The following DIS3L2 variants were observed in gnomAD, a reference collection of about 807,000 sequenced individuals.
DIS3L2 encodes DIS3 like 3'-5' exoribonuclease 2.
DIS3L2 carries 34 observed loss-of-function variants against 97.5 expected under a neutral mutation model. The observed-to-expected ratio is 0.35, with a 90% CI of 0.27 to 0.46. The LOEUF is 0.46. DIS3L2 is among the 20% of genes least tolerant of loss of function. The pLI is 1.00. For synonymous variants in DIS3L2, 435 were observed against 445.2 expected (o/e 0.98, Z 0.29); for missense variants, 1,038 against 1,146.0 (o/e 0.91, Z 1.36).
intron 6 of DIS3L2, among the ~76,000 whole-genome samples, chr2:232,112,575 G>A (rs1348277149): frequency 6.6e-6 from 1 of 152,148 alleles, no homozygotes; most frequent in Non-Finnish European, 1.5e-5. Context: ...CTTAGACCAT[G>A]AGTAGACTCC....
intron 12 of DIS3L2, 115 bp downstream of exon 12, chr2:232,249,461 G>A: frequency 2.8e-6 from 3 of 1,088,592 alleles, no homozygotes; most frequent in Non-Finnish European, 4.0e-6. Context: ...GACAAGGGAG[G>A]TATGGAGTAG....
intron 6 of DIS3L2, among the ~76,000 whole-genome samples, chr2:232,116,960 CA>C (rs1697740648): frequency 6.6e-6 from 1 of 152,186 alleles, no homozygotes; most frequent in African/African-American, 2.4e-5. Context: ...GTCCCTTGAA[CA>C]AAAGTTCAGC....
At chr2:231,982,483 T>G (rs1693290051) in intron 1 of DIS3L2, among the ~76,000 whole-genome samples, 1 of 152,216 alleles carries the variant, frequency 6.6e-6, no homozygotes, top group Non-Finnish European at 1.5e-5. Context: ...TTTATGGTTT[T>G]GTGTTTTATG....
intron 14 of DIS3L2, among the ~76,000 whole-genome samples, chr2:232,309,994 C>T (rs1575009910): frequency 2.0e-5 from 3 of 152,190 alleles, no homozygotes; most frequent in African/African-American, 7.2e-5. Flanking sequence ...GGAAATATTT[C>T]CCAGCAGCTC....
chr2:232,167,590 G>C (rs1286322638), intron 9 of DIS3L2, among the ~76,000 whole-genome samples: 1 of 152,142 alleles, frequency 6.6e-6, no homozygotes, highest in Non-Finnish European at 1.5e-5. Flanking sequence ...TCATTTCTCA[G>C]TCCTATTCGC....
At chr2:232,068,165 T>C (rs931939443) in intron 5 of DIS3L2, among the ~76,000 whole-genome samples, 1 of 152,184 alleles carries the variant, frequency 6.6e-6, no homozygotes, top group African/African-American at 2.4e-5. Context: ...ATTTTTAGAG[T>C]TGGCTATACG....
intron 5 of DIS3L2, among the ~76,000 whole-genome samples, chr2:232,075,727 A>C (rs1355312937): frequency 6.6e-6 from 1 of 151,962 alleles, no homozygotes; most frequent in Non-Finnish European, 1.5e-5. Flanking sequence ...TGAGTTCAGG[A>C]CCTTGCAATT....
intron 10 of DIS3L2, 48 bp downstream of exon 10, chr2:232,210,453 G>T: frequency 6.5e-7 from 1 of 1,543,446 alleles, no homozygotes; most frequent in East Asian, 2.3e-5. Flanking sequence ...CAGTCTGCAT[G>T]CCTGTGTGGT....
At chr2:232,086,619 A>G (rs1177507913) in intron 5 of DIS3L2, among the ~76,000 whole-genome samples, 2 of 120,210 alleles carry the variant, frequency 1.7e-5, no homozygotes, top group South Asian at 2.5e-4. Context: ...GTGTGTATAT[A>G]TATATATATA....
chr2:232,297,521 C>T (rs1234325976), intron 13 of DIS3L2, among the ~76,000 whole-genome samples: 1 of 152,062 alleles, frequency 6.6e-6, no homozygotes, highest in Non-Finnish European at 1.5e-5. Flanking sequence ...CACAGGAAAC[C>T]CAGGAGGGCT....
intron 11 of DIS3L2, among the ~76,000 whole-genome samples, chr2:232,247,616 C>CGGTGGGGGGGGGGGGG (rs1559173558): frequency 1.5e-4 from 1 of 6,518 alleles, no homozygotes; most frequent in Non-Finnish European, 6.3e-4. Context: ...ATAACTGCCG[C>CGGTGGGGGGGGGGGGG]GGGGGGGGGG....
chr2:231,975,056 T>C (rs1693041403), intron 1 of DIS3L2, among the ~76,000 whole-genome samples: 1 of 152,190 alleles, frequency 6.6e-6, no homozygotes, highest in South Asian at 2.1e-4. Flanking sequence ...GTTGAACTGG[T>C]TTATCTACTG....
At chr2:232,249,407 C>A (rs1693359610) in intron 12 of DIS3L2, 61 bp downstream of exon 12, 1 of 1,532,630 alleles carries the variant, frequency 6.5e-7, no homozygotes, top group Non-Finnish European at 8.9e-7. Context: ...AGTCATGAAG[C>A]ACTCACCATG....
intron 1 of DIS3L2, among the ~76,000 whole-genome samples, chr2:231,999,351 A>G (rs1257086569): frequency 3.3e-5 from 5 of 152,166 alleles, no homozygotes; most frequent in Admixed American, 6.5e-5. Flanking sequence ...TGCTACTGGA[A>G]TGTCATTGAT....
At chr2:232,283,976 G>A (rs1694363735) in intron 13 of DIS3L2, among the ~76,000 whole-genome samples, 1 of 152,184 alleles carries the variant, frequency 6.6e-6, no homozygotes, top group Admixed American at 6.5e-5. Context: ...AACCTTGGGT[G>A]GAAATTGGAG....
intron 14 of DIS3L2, among the ~76,000 whole-genome samples, chr2:232,312,835 G>T (rs1163073646): frequency 6.6e-6 from 1 of 152,060 alleles, no homozygotes; most frequent in African/African-American, 2.4e-5. Flanking sequence ...TATTTGATTT[G>T]TGGTACTATT....
chr2:231,963,450 T>G (rs566106356), intron 1 of DIS3L2, among the ~76,000 whole-genome samples: 26 of 152,318 alleles, frequency 1.7e-4, no homozygotes, highest in Admixed American at 5.2e-4. Flanking sequence ...GCTTATTTGT[T>G]TTTTGCTTGT....
At chr2:232,232,980 C>G (rs1238662084) in intron 10 of DIS3L2, among the ~76,000 whole-genome samples, 1 of 152,078 alleles carries the variant, frequency 6.6e-6, no homozygotes, top group African/African-American at 2.4e-5. Context: ...GGGCCCAGAG[C>G]TAAGGAGGAG....
chr2:232,316,170 C>T (rs1027837315), intron 14 of DIS3L2, among the ~76,000 whole-genome samples: 1 of 152,198 alleles, frequency 6.6e-6, no homozygotes, highest in Non-Finnish European at 1.5e-5. Flanking sequence ...GCCTCCTGGG[C>T]AGCGGCTCAT....
Sources: gnomAD v4.1 joint callset for allele counts (sites outside exome capture counted in the v4.1 genomes callset) on GRCh38, gnomAD v4.1.1 for gene constraint, MANE v1.5 for transcripts, NCBI Gene and HGNC (gene_info 2026-07-23, HGNC 2026-07-21) for gene names.